Variants in TAFA2 observed in about 807,000 individuals in gnomAD.
The protein encoded by TAFA2 is TAFA chemokine like family member 2.
In TAFA2, 7 loss-of-function variants were observed where a neutral mutation model predicts 18.8. The observed-to-expected ratio is 0.37, with a 90% CI of 0.21 to 0.70. The LOEUF is 0.70. Ranked by LOEUF, TAFA2 falls within the 30% of genes least tolerant of loss-of-function variation. The probability of loss-of-function intolerance (pLI) is 0.53; values close to 1 mark genes in which losing one functional copy is unlikely to be tolerated. For missense variants in TAFA2, 122 were observed against 158.1 expected (o/e 0.77, Z 1.23); for synonymous variants, 60 against 54.2 (o/e 1.11, Z -0.47).
chr12:62,164,394 T>C lies in TAFA2; in HGVS notation c.-2+26865A>G, dbSNP rs143179142. Among the ~76,000 whole-genome samples, 208 of 152,242 alleles carry C rather than the reference T, an allele frequency of 1.4e-3. 1 individual carries two copies. Among genetic ancestry groups the C allele is most frequent in the Middle Eastern group, 3.4e-3 (1 of 294 alleles). On this transcript the variant is annotated intron_variant, in intron 1 of 4. Transcript: ENST00000416284. ...CAGGCAGCCTTACTGAGACACTGAG[T>C]TGTTTTTAAATAATTATTTCATTTA... is the stretch of plus-strand genomic sequence containing the variant.
intron 1 of TAFA2, among the ~76,000 whole-genome samples, chr12:62,080,012 A>G (rs1488914291): frequency 2.6e-5 from 4 of 152,224 alleles, no homozygotes; most frequent in African/African-American, 9.6e-5. Context: ...GGGGTCAGCC[A>G]GGCTGCATTC....
chr12:62,228,413 T>C (rs1318540016), intron 1 of TAFA2, among the ~76,000 whole-genome samples: 1 of 152,200 alleles, frequency 6.6e-6, no homozygotes, highest in Non-Finnish European at 1.5e-5. Flanking sequence ...GTAATGGAAT[T>C]GCTGGATCAA....
intron 2 of TAFA2, among the ~76,000 whole-genome samples, chr12:61,813,672 T>G (rs1361548082): frequency 1.3e-5 from 2 of 151,526 alleles, no homozygotes; most frequent in African/African-American, 2.5e-5. Flanking sequence ...CAACACCAAT[T>G]TTACTGGCTG....
chr12:61,908,342 GT>G (rs1876453750), intron 1 of TAFA2, among the ~76,000 whole-genome samples: 1 of 151,916 alleles, frequency 6.6e-6, no homozygotes, highest in South Asian at 2.1e-4. Context: ...AAATCTGATG[GT>G]TTTATAAAAG....
intron 1 of TAFA2, among the ~76,000 whole-genome samples, chr12:61,887,333 C>T (rs1055565944): frequency 9.9e-5 from 15 of 152,156 alleles, no homozygotes; most frequent in African/African-American, 3.1e-4. Flanking sequence ...GAAAATATTG[C>T]TTCCTACCTA....
At chr12:61,849,441 T>C (rs1456986669) in intron 2 of TAFA2, among the ~76,000 whole-genome samples, 1 of 152,224 alleles carries the variant, frequency 6.6e-6, no homozygotes, top group Non-Finnish European at 1.5e-5. Context: ...ATCTAAGCAC[T>C]CATTTTGCTT....
intron 1 of TAFA2, among the ~76,000 whole-genome samples, chr12:62,230,873 A>G (rs528919801): frequency 1.3e-5 from 2 of 152,280 alleles, no homozygotes; most frequent in South Asian, 4.1e-4. Context: ...ATGAGGTATC[A>G]CTATGTTACA....
chr12:62,182,383 C>T (rs978436299), intron 1 of TAFA2, among the ~76,000 whole-genome samples: 1 of 152,164 alleles, frequency 6.6e-6, no homozygotes, highest in Non-Finnish European at 1.5e-5. Flanking sequence ...CTGCTTGCCA[C>T]AGGGAGAAAC....
intron 2 of TAFA2, among the ~76,000 whole-genome samples, chr12:61,786,149 C>T (rs1027555889): frequency 1.3e-5 from 2 of 151,568 alleles, no homozygotes; most frequent in South Asian, 2.1e-4. Context: ...CCACAGATCA[C>T]GTGGGACTTG....
chr12:61,838,213 T>C (rs1454779365), intron 2 of TAFA2, among the ~76,000 whole-genome samples: 2 of 151,844 alleles, frequency 1.3e-5, no homozygotes, highest in African/African-American at 4.8e-5. Context: ...CAGAGAGGCA[T>C]GGAGATAAAG....
intron 2 of TAFA2, among the ~76,000 whole-genome samples, chr12:61,764,094 A>T (rs970519989): frequency 2.6e-5 from 4 of 152,034 alleles, no homozygotes; most frequent in Non-Finnish European, 5.9e-5. Flanking sequence ...TCTAAGTAGG[A>T]TCCAGGAAAC....
chr12:62,258,752 T>A (rs2062957398), intron 1 of TAFA2: 1 of 373,392 alleles, frequency 2.7e-6, no homozygotes, highest in Non-Finnish European at 5.4e-6. Flanking sequence ...TGAAGTGAGG[T>A]TTGAACTTAC....
intron 1 of TAFA2, among the ~76,000 whole-genome samples, chr12:62,123,661 T>A: frequency 7.3e-6 from 1 of 137,674 alleles, no homozygotes; most frequent in East Asian, 2.2e-4. Context: ...ACTTTATACT[T>A]CTTCATTCTA....
At chr12:61,878,065 T>C in intron 1 of TAFA2, 1 of 455,166 alleles carries the variant, frequency 2.2e-6, no homozygotes, top group Non-Finnish European at 4.4e-6. Flanking sequence ...AAATACTGTG[T>C]GGTCCTACTT....
At chr12:61,920,352 T>C (rs1876998161) in intron 1 of TAFA2, among the ~76,000 whole-genome samples, 1 of 152,188 alleles carries the variant, frequency 6.6e-6, no homozygotes, top group East Asian at 1.9e-4. Context: ...TTGAAACTTC[T>C]GGGAAATGAG....
rs189522159 is a variant in TAFA2, at chr12:61,873,598, G to T, written c.-1-6172C>A. Among the ~76,000 whole-genome samples, 65 of 152,204 alleles carry T rather than the reference G, an allele frequency of 4.3e-4. No homozygotes were observed. The East Asian group carries it at 9.7e-3, about 23-fold the overall frequency. ...CATTCTACAAGTATAAACTATTATT[G>T]TTATTATTCCTTTAGTTTCCTTATT... On this transcript the variant is annotated intron_variant, in intron 1 of 4. Coordinates refer to ENST00000416284, the MANE Select transcript of TAFA2 (RefSeq NM_178539.5).
At chr12:61,720,827 T>C (rs1452223083) in intron 4 of TAFA2, 1 of 481,474 alleles carries the variant, frequency 2.1e-6, no homozygotes, top group Non-Finnish European at 4.2e-6. Flanking sequence ...GAGCCAAAAC[T>C]TTTTTGAGTG....
intron 1 of TAFA2, among the ~76,000 whole-genome samples, chr12:62,051,687 A>G (rs1310491813): frequency 6.6e-6 from 1 of 151,732 alleles, no homozygotes; most frequent in Non-Finnish European, 1.5e-5. Context: ...GGAACTATGC[A>G]TACCTGTCAC....
intron 1 of TAFA2, among the ~76,000 whole-genome samples, chr12:62,051,643 C>T (rs1161140059): frequency 6.6e-6 from 1 of 151,742 alleles, no homozygotes; most frequent in Non-Finnish European, 1.5e-5. Context: ...GCACTAGGCA[C>T]ACCTGTCACC....
Sources: allele counts gnomAD v4.1 joint callset (sites outside exome capture counted in the v4.1 genomes callset), GRCh38; gene constraint gnomAD v4.1.1; transcripts MANE v1.5; gene names NCBI Gene and HGNC (gene_info 2026-07-23, HGNC 2026-07-21).